The following NDE1 variants were observed in gnomAD, a reference collection of about 807,000 sequenced individuals.
NDE1 encodes the protein nuclear distribution protein nudE homolog 1.
NDE1 carries 28 observed loss-of-function variants against 43.4 expected under a neutral mutation model. The observed-to-expected ratio is 0.65, with a 90% CI of 0.48 to 0.89. The LOEUF (loss-of-function observed/expected upper bound fraction) is 0.89, where lower values mean the gene tolerates loss of function less well. Among genes scored for constraint, NDE1 ranks in the 40% least tolerant of loss-of-function variants. NDE1 has a pLI of 0.00. For missense variants in NDE1, 441 were observed against 434.1 expected (o/e 1.02, Z -0.14); for synonymous variants, 184 against 172.0 (o/e 1.07, Z -0.55).
intron 4 of NDE1, among the ~76,000 whole-genome samples, chr16:15,682,919 T>C (rs1354938626): frequency 6.6e-6 from 1 of 151,936 alleles, no homozygotes; most frequent in Non-Finnish European, 1.5e-5. Context: ...AGAAATGGGG[T>C]CTCACCATGG....
In NDE1 at chr16:15,674,766, C is replaced by T. The variant is rs12918820; in HGVS notation, c.238-3035C>T. On this transcript the variant is annotated intron_variant, in intron 3 of 8. Transcript: ENST00000396354. ...TCACTCTGTTGCCCAGGTTGGAGTG[C>T]AGTGATGCAATCACGGCTCACTGCA... 4.0e-3 allele frequency among the ~76,000 whole-genome samples: 608 copies of T among 152,120 alleles called. 12 individuals carry two copies. The highest frequency in any genetic ancestry group is 0.025 in the South Asian group (122 of 4,818).
Position 15,697,706 on chromosome 16 carries a change from C to T in NDE1, c.947+846C>T, listed in dbSNP as rs141726143. On this transcript the variant is annotated intron_variant, in intron 8 of 8. Coordinates refer to ENST00000396354, the MANE Select transcript of NDE1 (RefSeq NM_017668.3). The stretch of plus-strand genomic sequence containing the variant: ...GCAGCCTGGGTGACAGAGCAAGACT[C>T]CATATCAAAAAGTTAATTAATTAGT... Among the ~76,000 whole-genome samples, 203 of 152,150 alleles carry T rather than the reference C, an allele frequency of 1.3e-3. No homozygotes were observed. The East Asian group carries it at 0.025, about 19-fold the overall frequency.
chr16:15,643,440 G>T (rs2151370852), exon 1 of NDE1: 1 of 451,942 alleles, frequency 2.2e-6, no homozygotes, highest in South Asian at 1.6e-5. Context: ...ACCTTGAAGC[G>T]GAGAATGAGC....
At chr16:15,717,899 C>A in intron 8 of NDE1, 1 of 288,152 alleles carries the variant, frequency 3.5e-6, no homozygotes, top group Non-Finnish European at 6.7e-6. Flanking sequence ...GATGCCTGTT[C>A]ACCCTACACC....
upstream of NDE1, among the ~76,000 whole-genome samples, chr16:15,646,640 G>C (rs962879224): frequency 6.6e-6 from 1 of 152,108 alleles, no homozygotes; most frequent in Non-Finnish European, 1.5e-5. Flanking sequence ...GCTGAGGCAG[G>C]AGAATCGCTT....
chr16:15,725,209 G>T lies in NDE1; in HGVS notation c.*958G>T. 1 of 613,490 alleles carries T rather than the reference G, an allele frequency of 1.6e-6. No homozygotes were observed. 38.0% of individuals were successfully genotyped at this position (613,490 alleles called of 1,614,324 possible). On this transcript the variant is annotated 3_prime_UTR_variant, in exon 9 of 9. Coordinates refer to ENST00000396354, the MANE Select transcript of NDE1 (RefSeq NM_017668.3). ...TTGAAGGGAACTCCGTCACCTATGA[G>T]TTGGGACCCTGGCCCTAGACTCTGT...
intron 3 of NDE1, among the ~76,000 whole-genome samples, chr16:15,675,805 T>C (rs1355629756): frequency 1.3e-5 from 2 of 152,134 alleles, no homozygotes; most frequent in Non-Finnish European, 2.9e-5. Flanking sequence ...GCAGGTGATC[T>C]GGATTGAAAT....
intron 7 of NDE1, chr16:15,694,820 G>C (rs1304604028): frequency 1.0e-6 from 1 of 985,230 alleles, no homozygotes; most frequent in African/African-American, 1.7e-5. Flanking sequence ...TAGGAAATTT[G>C]GGAAATTAGG....
intron 8 of NDE1, chr16:15,718,605 A>G (rs752768285): frequency 6.6e-6 from 7 of 1,066,580 alleles, no homozygotes; most frequent in African/African-American, 1.6e-5. Flanking sequence ...CAGGAAGTGG[A>G]CAGCCGGGAC....
chr16:15,647,688 TTGTC>T (rs1013732526), upstream of NDE1, among the ~76,000 whole-genome samples: 4 of 152,124 alleles, frequency 2.6e-5, no homozygotes, highest in Admixed American at 6.6e-5. Context: ...GACAGGTACT[TTGTC>T]TGACTGTATT....
chr16:15,720,172 G>C, intron 8 of NDE1: 1 of 1,614,066 alleles, frequency 6.2e-7, no homozygotes, highest in Non-Finnish European at 8.5e-7. Context: ...GTAGCTGCTT[G>C]ATGGCTTCCT....
intron 1 of NDE1, among the ~76,000 whole-genome samples, chr16:15,657,954 A>G (rs1200589236): frequency 6.6e-6 from 1 of 152,190 alleles, no homozygotes; most frequent in African/African-American, 2.4e-5. Context: ...CCATACATTC[A>G]TTAAGATTCC....
chr16:15,706,086 G>T (rs945031625), intron 8 of NDE1, among the ~76,000 whole-genome samples: 1 of 151,876 alleles, frequency 6.6e-6, no homozygotes, highest in Non-Finnish European at 1.5e-5. Flanking sequence ...GAGAGACCCC[G>T]GCTGGGAAAG....
intron 4 of NDE1, among the ~76,000 whole-genome samples, chr16:15,680,393 T>C (rs909678615): frequency 3.3e-5 from 5 of 152,202 alleles, no homozygotes; most frequent in Non-Finnish European, 7.3e-5. Context: ...TTCTAAGCGT[T>C]GTTTTCCAGT....
chr16:15,678,951 CT>C (rs1403412700), intron 4 of NDE1, among the ~76,000 whole-genome samples: 1 of 151,908 alleles, frequency 6.6e-6, no homozygotes, highest in Non-Finnish European at 1.5e-5. Flanking sequence ...TGGCGGGTGC[CT>C]GTAGTCCCAG....
intron 1 of NDE1, among the ~76,000 whole-genome samples, chr16:15,662,859 G>A (rs1329702319): frequency 3.3e-5 from 5 of 152,152 alleles, no homozygotes; most frequent in African/African-American, 9.7e-5. Context: ...GATTATAGGC[G>A]TGAGCCACTG....
At chr16:15,670,158 G>A (rs2037518259) in intron 3 of NDE1, among the ~76,000 whole-genome samples, 2 of 152,126 alleles carry the variant, frequency 1.3e-5, no homozygotes, top group South Asian at 2.1e-4. Context: ...TGTCTGTGTG[G>A]TTTTCTTTTT....
At chr16:15,715,616 T>C (rs1421179109) in intron 8 of NDE1, among the ~76,000 whole-genome samples, 1 of 152,052 alleles carries the variant, frequency 6.6e-6, no homozygotes, top group African/African-American at 2.4e-5. Context: ...TTACAGGGCA[T>C]GGGGTTTCTA....
intron 6 of NDE1, among the ~76,000 whole-genome samples, chr16:15,693,924 A>G (rs917761526): frequency 6.6e-6 from 1 of 152,214 alleles, no homozygotes; most frequent in Non-Finnish European, 1.5e-5. Flanking sequence ...CGGGTGACAG[A>G]GCAAGACTAA....
Sources: allele counts gnomAD v4.1 joint callset (sites outside exome capture counted in the v4.1 genomes callset), GRCh38; gene constraint gnomAD v4.1.1; transcripts MANE v1.5; gene names NCBI Gene and HGNC (gene_info 2026-07-23, HGNC 2026-07-21).